CCNJ: variants seen among roughly 807,000 people sequenced by gnomAD.
CCNJ encodes cyclin-J.
A neutral mutation model predicts 41.4 loss-of-function variants in CCNJ; 12 were observed. That is an observed-to-expected ratio of 0.29 (90% CI 0.19 to 0.47). CCNJ has a LOEUF of 0.47. CCNJ is among the 20% of genes least tolerant of loss of function. The probability of loss-of-function intolerance (pLI) is 1.00; values close to 1 mark genes in which losing one functional copy is unlikely to be tolerated. For synonymous variants in CCNJ, 161 were observed against 173.4 expected (o/e 0.93, Z 0.56); for missense variants, 340 against 464.6 (o/e 0.73, Z 2.47).
At position 96,058,292 on chromosome 10, in the gene CCNJ, T is replaced by C. The variant is rs1199411417; in HGVS notation, c.*51T>C. 2 of 1,500,876 alleles carry C rather than the reference T, an allele frequency of 1.3e-6. No homozygotes were observed. The highest frequency in any genetic ancestry group is 1.8e-6 in the Non-Finnish European group (2 of 1,100,684). 93.0% of individuals were successfully genotyped at this position (1,500,876 alleles called of 1,614,324 possible). ...CAGACTGCTTTGTGACATGAAGCTA[T>C]GGGTAAGCGTTTTGTAAACTTCTGT... On this transcript the variant is annotated 3_prime_UTR_variant, in exon 6 of 6. Transcript: ENST00000465148.
intron 2 of CCNJ, among the ~76,000 whole-genome samples, chr10:96,048,338 T>C (rs2080422075): frequency 6.6e-6 from 1 of 152,222 alleles, no homozygotes; most frequent in Non-Finnish European, 1.5e-5. Flanking sequence ...TTTCTGCCTC[T>C]AGGTCTTTGA....
chr10:96,051,723 T>C (rs1457437331), intron 3 of CCNJ, among the ~76,000 whole-genome samples: 1 of 152,212 alleles, frequency 6.6e-6, no homozygotes, highest in African/African-American at 2.4e-5. Context: ...TGTAGTCCTA[T>C]GTAGTATCAT....
intron 3 of CCNJ, among the ~76,000 whole-genome samples, chr10:96,052,339 T>C (rs983860928): frequency 6.6e-6 from 1 of 152,220 alleles, no homozygotes; most frequent in Non-Finnish European, 1.5e-5. Context: ...ATGTTTATTA[T>C]AGAATCAGTT....
chr10:96,056,316 A>T (rs1024087867), intron 3 of CCNJ, among the ~76,000 whole-genome samples: 2 of 152,242 alleles, frequency 1.3e-5, no homozygotes, highest in Non-Finnish European at 2.9e-5. Context: ...CTCAAAAAAA[A>T]AAAAAACTAT....
rs896302486 is a variant in CCNJ, at chr10:96,060,135, G to A, written c.*1894G>A. 3 of 152,586 alleles carry A rather than the reference G, an allele frequency of 2.0e-5. No individual in the cohort carries two copies. The highest frequency in any genetic ancestry group is 2.1e-4 in the South Asian group (1 of 4,834). The allele number at this position is 152,586 out of a possible 1,614,324, so 9.5% of individuals were successfully genotyped here. A position where few individuals can be genotyped will look rare whatever the true frequency, so the allele number is the denominator to read the frequency against. ...GAAAACTTGAATTATTTGGGGGAAA[G>A]TAGGCTCAAAAGAGAATATATCTTT... On this transcript the variant is annotated 3_prime_UTR_variant, in exon 6 of 6. Transcript: ENST00000465148.
intron 2 of CCNJ, 115 bp from the exon 3 acceptor site, chr10:96,050,141 A>T (rs1295899704): frequency 2.7e-6 from 2 of 746,330 alleles, no homozygotes; most frequent in Non-Finnish European, 4.5e-6. Flanking sequence ...CAGTCAAGAA[A>T]AGTATGTTTT....
chr10:96,053,370 G>A (rs753903825), intron 3 of CCNJ, among the ~76,000 whole-genome samples: 1 of 152,186 alleles, frequency 6.6e-6, no homozygotes, highest in Non-Finnish European at 1.5e-5. Context: ...GGGGTAATAT[G>A]TTTAAAAGCA....
rs773779475 is a variant in CCNJ at position 96,056,965 on chromosome 10, A to G, written c.545A>G (p.Lys182Arg). The G allele has an allele frequency of 6.2e-7, 1 of 1,614,072 alleles. No homozygotes were observed. The highest frequency in any genetic ancestry group is 8.5e-7 in the Non-Finnish European group (1 of 1,179,994). Residue 182 changes from lysine (K) to arginine (R), a missense_variant, in exon 4 of 6, where the codon AAA becomes AGA. By Grantham distance (26) the Lys-to-Arg change is conservative. Transcript: ENST00000465148. ...CLEKTKLYMAKYADYFLEVSL... is the reference protein window; with the variant it reads ...CLEKTKLYMARYADYFLEVSL... ...GAAAAGACTAAACTCTACATGGCCA[A>G]ATATGCAGATTACTTCCTGGAAGTA...
At chr10:96,044,049 TC>T (rs1173581131) in intron 1 of CCNJ, among the ~76,000 whole-genome samples, 1 of 152,110 alleles carries the variant, frequency 6.6e-6, no homozygotes, top group Non-Finnish European at 1.5e-5. Context: ...CAGCCGGGCC[TC>T]CCCCAGCTCT....
rs773326731 is a variant in CCNJ, at chr10:96,044,463, G to GTAAC, written c.69+3_69+6dup. 2 of 1,541,810 alleles carry GTAAC rather than the reference G, an allele frequency of 1.3e-6. No homozygotes were observed. The highest frequency in any genetic ancestry group is 2.8e-5 in the African/African-American group (2 of 72,020). ...TATTCACCAAGCGCTTCGCTACAAG[G>GTAAC]TAACTCCGAGGCCCGGCCTGCCTTC... On this transcript the variant is annotated splice_donor_variant, in intron 2 of 5. Transcript: ENST00000465148. LOFTEE classifies it high-confidence loss of function.
At position 96,060,129 on chromosome 10, in the gene CCNJ, G is replaced by A. The variant is rs2080786124; in HGVS notation, c.*1888G>A. 1 of 152,510 alleles carries A rather than the reference G, an allele frequency of 6.6e-6. No individual in the cohort carries two copies. Among genetic ancestry groups the A allele is most frequent in the Non-Finnish European group, 1.5e-5 (1 of 68,022 alleles). The allele number at this position is 152,510 out of a possible 1,614,324, so 9.4% of individuals were successfully genotyped here. A position where few individuals can be genotyped will look rare whatever the true frequency, so the allele number is the denominator to read the frequency against. ...CCTCAAGAAAACTTGAATTATTTGG[G>A]GGAAAGTAGGCTCAAAAGAGAATAT... On this transcript the variant is annotated 3_prime_UTR_variant, in exon 6 of 6. Transcript: ENST00000465148.
At chr10:96,050,715 A>G (rs1252074916) in intron 3 of CCNJ, among the ~76,000 whole-genome samples, 1 of 152,192 alleles carries the variant, frequency 6.6e-6, no homozygotes, top group African/African-American at 2.4e-5. Flanking sequence ...CTAAGACAAA[A>G]TCTACATAAT....
Position 96,058,122 on chromosome 10 carries a change from G to A in CCNJ, c.1033G>A (p.Gly345Ser). 1.9e-6 allele frequency: 3 copies of A among 1,614,184 alleles called. No homozygotes were observed. Among genetic ancestry groups the A allele is most frequent in the Non-Finnish European group, 2.5e-6 (3 of 1,180,018 alleles). The change falls in exon 6 of 6, where the codon GGT becomes AGT. Residue 345 changes from glycine to serine, a missense_variant. Gly to Ser is a moderately conservative substitution (Grantham distance 56). This residue lies in a region of CCNJ where 159 missense variants were observed against 168.2 expected (regional missense o/e 0.95). Transcript: ENST00000465148. ...SVQGLGHMQT[G>S]VGMSLAIPVE... ...TCAGGGCCTTGGGCACATGCAGACT[G>A]GTGTTGGGATGTCACTGGCAATACC...
intron 2 of CCNJ, among the ~76,000 whole-genome samples, chr10:96,045,884 C>T (rs1157549359): frequency 6.6e-6 from 1 of 151,960 alleles, no homozygotes; most frequent in Non-Finnish European, 1.5e-5. Context: ...ATCCACCTGC[C>T]TCGGCCTCCT....
intron 1 of CCNJ, 69 bp from the exon 2 acceptor site, chr10:96,044,284 C>A (rs1457500186): frequency 1.2e-6 from 1 of 835,970 alleles, no homozygotes; most frequent in Non-Finnish European, 1.7e-6. Flanking sequence ...GAGGTCACAC[C>A]CCCCGGGGAG....
At chr10:96,043,403 T>A, upstream of CCNJ, 3 of 366,428 alleles carry the variant, frequency 8.2e-6, no homozygotes, top group Non-Finnish European at 1.5e-5. Context: ...CCGTGCGGGA[T>A]GCTGACCGTA....
chr10:96,050,108 T>G (rs1463852711), intron 2 of CCNJ, 148 bp from the exon 3 acceptor site: 1 of 649,808 alleles, frequency 1.5e-6, no homozygotes, highest in Non-Finnish European at 2.7e-6. Flanking sequence ...ATCCCTCCAC[T>G]TAACTTTTTC....
Position 96,058,298 on chromosome 10 carries a change from A to T in CCNJ, c.*57A>T. ...GCTTTGTGACATGAAGCTATGGGTA[A>T]GCGTTTTGTAAACTTCTGTTCAAAA... On this transcript the variant is annotated 3_prime_UTR_variant, in exon 6 of 6. Transcript: ENST00000465148. 1 of 1,465,902 alleles carries T rather than the reference A, an allele frequency of 6.8e-7. No individual in the cohort carries two copies. Among genetic ancestry groups the T allele is most frequent in the Non-Finnish European group, 9.3e-7 (1 of 1,071,498 alleles). 90.8% of individuals were successfully genotyped at this position (1,465,902 alleles called of 1,614,324 possible). A position where few individuals can be genotyped will look rare whatever the true frequency, so the allele number is the denominator to read the frequency against.
chr10:96,052,100 A>AC (rs397759542), intron 3 of CCNJ, among the ~76,000 whole-genome samples: 23 of 116,766 alleles, frequency 2.0e-4, no homozygotes, highest in Middle Eastern at 4.8e-3. Flanking sequence ...TCATCCCCCT[A>AC]CCCAGGAGCC....
Sources: gnomAD v4.1 joint callset for allele counts (sites outside exome capture counted in the v4.1 genomes callset) on GRCh38, gnomAD v4.1.1 for gene constraint, gnomAD v4.1.1 regional missense constraint, MANE v1.5 for transcripts, NCBI Gene and HGNC (gene_info 2026-07-23, HGNC 2026-07-21) for gene names.